Variants in OPCML observed in about 807,000 individuals in gnomAD.
OPCML encodes the protein opioid binding protein/cell adhesion molecule like.
A neutral mutation model predicts 37.8 loss-of-function variants in OPCML; 13 were observed. That is an observed-to-expected ratio of 0.34 (90% CI 0.22 to 0.55). OPCML has a LOEUF of 0.55. Ranked by LOEUF, OPCML falls within the 20% of genes least tolerant of loss-of-function variation. The pLI, the probability that OPCML is intolerant of heterozygous loss-of-function variation, is 0.91. For missense variants in OPCML, 341 were observed against 435.6 expected (o/e 0.78, Z 1.93); for synonymous variants, 176 against 168.8 (o/e 1.04, Z -0.33).
chr11:132,614,294 T>A (rs2137867599), intron 3 of OPCML, among the ~76,000 whole-genome samples: 1 of 152,244 alleles, frequency 6.6e-6, no homozygotes, highest in Non-Finnish European at 1.5e-5. Flanking sequence ...TGAGCCTGAA[T>A]TTCACCTCCT....
chr11:132,976,479 GTGTT>G (rs1946466868), intron 1 of OPCML, among the ~76,000 whole-genome samples: 1 of 152,148 alleles, frequency 6.6e-6, no homozygotes, highest in Admixed American at 6.5e-5. Context: ...CCTGTGACTC[GTGTT>G]TATTTCCCTT....
chr11:133,007,881 T>C (rs1411960736), intron 1 of OPCML: 4 of 985,270 alleles, frequency 4.1e-6, no homozygotes, highest in African/African-American at 1.7e-5. Context: ...GGGAAAATGG[T>C]TTATGCTTTT....
chr11:132,822,503 AGTGT>A (rs35359537), intron 2 of OPCML, among the ~76,000 whole-genome samples: 64 of 149,610 alleles, frequency 4.3e-4, no homozygotes, highest in Admixed American at 1.0e-3. Context: ...AGGAGAGTGA[AGTGT>A]GTGTGTGTGT....
chr11:133,521,938 C>T (rs1948405760), intron 1 of OPCML, among the ~76,000 whole-genome samples: 1 of 152,174 alleles, frequency 6.6e-6, no homozygotes, highest in Non-Finnish European at 1.5e-5. Flanking sequence ...ACCATCTGAC[C>T]ATATCTGGCA....
intron 1 of OPCML, among the ~76,000 whole-genome samples, chr11:133,104,809 G>A (rs1401097821): frequency 1.3e-5 from 2 of 151,974 alleles, no homozygotes; most frequent in African/African-American, 2.4e-5. Context: ...ATCTAAAAGT[G>A]GATTTTAATT....
intron 1 of OPCML, among the ~76,000 whole-genome samples, chr11:133,320,876 C>T (rs933202145): frequency 1.4e-4 from 21 of 152,140 alleles, no homozygotes; most frequent in African/African-American, 5.1e-4. Context: ...CTGCTCAATA[C>T]GCAGAACACA....
chr11:132,757,562 CT>C (rs1395633843), intron 2 of OPCML, among the ~76,000 whole-genome samples: 2 of 152,136 alleles, frequency 1.3e-5, no homozygotes, highest in East Asian at 3.9e-4. Context: ...TGATGATGAG[CT>C]TTTTTTCATA....
intron 1 of OPCML, among the ~76,000 whole-genome samples, chr11:133,441,917 C>G (rs1946373320): frequency 1.3e-5 from 2 of 151,974 alleles, no homozygotes; most frequent in African/African-American, 4.8e-5. Flanking sequence ...AATTCAAATA[C>G]AAATTTCAGG....
intron 3 of OPCML, among the ~76,000 whole-genome samples, chr11:132,599,772 A>T (rs1047980075): frequency 1.3e-5 from 2 of 152,214 alleles, no homozygotes; most frequent in African/African-American, 2.4e-5. Flanking sequence ...ATTACTATAT[A>T]TCCCTATTTA....
Position 132,418,383 on chromosome 11 carries a change from A to G in OPCML, c.*1810T>C, listed in dbSNP as rs934419690. On this transcript the variant is annotated 3_prime_UTR_variant, in exon 8 of 8. Transcript: ENST00000524381. ...ATGAGTCCTTCTCGTCCCAGGAGAC[A>G]AGACAGCAAAGGTGGCTCAGCTCTT... 1.1e-4 allele frequency: 17 copies of G among 152,490 alleles called. No individual in the cohort carries two copies. The highest frequency in any genetic ancestry group is 4.1e-4 in the African/African-American group (17 of 41,572). The allele number at this position is 152,490 out of a possible 1,614,324, so 9.4% of individuals were successfully genotyped here. A position where few individuals can be genotyped will look rare whatever the true frequency, so the allele number is the denominator to read the frequency against.
chr11:132,875,474 T>TTTC (rs1390853563), intron 2 of OPCML, among the ~76,000 whole-genome samples: 1 of 151,782 alleles, frequency 6.6e-6, no homozygotes, highest in Non-Finnish European at 1.5e-5. Context: ...ATTTTTTTTT[T>TTTC]TTTTTTTGAG....
chr11:132,442,738 A>T (rs528013599), intron 4 of OPCML, among the ~76,000 whole-genome samples: 1 of 152,206 alleles, frequency 6.6e-6, no homozygotes, highest in East Asian at 1.9e-4. Flanking sequence ...ATGAGATCTG[A>T]TGGGTTTATA....
In OPCML at chr11:133,532,381, C is replaced by T. The variant is rs1591607327; in HGVS notation, c.-57G>A. The T allele has an allele frequency of 6.4e-6, 10 of 1,569,674 alleles. No individual in the cohort carries two copies. Among genetic ancestry groups the T allele is most frequent in the South Asian group, 2.3e-5 (2 of 87,648 alleles). ...TTGCTACTGCTTCTGCTGCTGCTAC[C>T]GCTGCTGCCTTCCTCTGTGCTGAAT... On this transcript the variant is annotated 5_prime_UTR_variant, in exon 1 of 8. Coordinates refer to ENST00000524381, the MANE Select transcript of OPCML (RefSeq NM_001012393.5).
chr11:132,629,319 T>C (rs1396833065), intron 3 of OPCML, among the ~76,000 whole-genome samples: 1 of 152,210 alleles, frequency 6.6e-6, no homozygotes, highest in Non-Finnish European at 1.5e-5. Context: ...AACAACTTAC[T>C]GAGTACAGTA....
chr11:132,549,937 C>T (rs909139246), intron 3 of OPCML, among the ~76,000 whole-genome samples: 3 of 152,246 alleles, frequency 2.0e-5, no homozygotes, highest in African/African-American at 4.8e-5. Context: ...CTCCTAAGTG[C>T]CTCCTGTGTG....
chr11:132,910,298 C>G (rs779819642), intron 2 of OPCML, among the ~76,000 whole-genome samples: 4 of 152,364 alleles, frequency 2.6e-5, no homozygotes, highest in East Asian at 3.9e-4. Flanking sequence ...ATTATGCCCC[C>G]ACAGGGGCAG....
chr11:133,208,556 C>T lies in OPCML; in HGVS notation c.62-265546G>A, dbSNP rs1939213824. 6.6e-6 allele frequency among the ~76,000 whole-genome samples: 1 copy of T among 152,166 alleles called. No homozygotes were observed. Among genetic ancestry groups the T allele is most frequent in the South Asian group, 2.1e-4 (1 of 4,830 alleles). On this transcript the variant is annotated intron_variant, in intron 1 of 7. Transcript: ENST00000524381. The surrounding 1 kb of genome is among the most constrained non-coding windows in gnomAD (Gnocchi z 8.9). ...TAAATATAATTCCAATGCTGGCTAT[C>T]CACATATGTGTATTAGTGAAGTTGA...
chr11:132,620,326 T>C (rs757605609), intron 3 of OPCML, among the ~76,000 whole-genome samples: 4 of 152,236 alleles, frequency 2.6e-5, no homozygotes, highest in Non-Finnish European at 4.4e-5. Flanking sequence ...ATATCCCAGT[T>C]ACACACTCAC....
rs1301126573 is a variant in OPCML, at chr11:133,174,585, G to C, written c.62-231575C>G. ...AAAAGAGTTGTACTCTATCTATACA[G>C]TAAGTATATGCATTTATTTGTGTTG... On this transcript the variant is annotated intron_variant, in intron 1 of 7. Transcript: ENST00000524381. The surrounding 1 kb of genome is among the most constrained non-coding windows in gnomAD (Gnocchi z 4.6). Among the ~76,000 whole-genome samples the C allele has an allele frequency of 1.4e-5, 2 of 143,394 alleles. No homozygotes were observed. The highest frequency in any genetic ancestry group is 5.2e-5 in the African/African-American group (2 of 38,312). 94.1% of individuals were successfully genotyped at this position (143,394 alleles called of 152,430 possible).
Sources: allele counts gnomAD v4.1 joint callset (sites outside exome capture counted in the v4.1 genomes callset), GRCh38; gene constraint gnomAD v4.1.1; non-coding constraint Gnocchi (gnomAD v3.1); transcripts MANE v1.5; gene names NCBI Gene and HGNC (gene_info 2026-07-23, HGNC 2026-07-21).